The following TRABD2A variants were observed in gnomAD, a reference collection of about 807,000 sequenced individuals.
The protein encoded by TRABD2A is TraB domain containing 2A, also known as metalloprotease TIKI1.
In TRABD2A, 43 loss-of-function variants were observed where a neutral mutation model predicts 45.6. The ratio of observed to expected loss-of-function variants is 0.94; its 90% CI spans 0.74 to 1.22. The LOEUF (loss-of-function observed/expected upper bound fraction) is 1.22, where lower values mean the gene tolerates loss of function less well. TRABD2A is among the 50% of genes most tolerant of loss of function. The pLI is 0.00. For missense variants in TRABD2A, 642 were observed against 652.4 expected (o/e 0.98, Z 0.17); for synonymous variants, 269 against 265.0 (o/e 1.02, Z -0.15).
chr2:84,870,549 G>C lies in TRABD2A; in HGVS notation c.345C>G (p.Leu115=), dbSNP rs140682998. Residue 115 remains leucine (L), a synonymous_variant, in exon 2 of 7, where the codon CTC becomes CTG. Transcript: ENST00000409520. ...LPQGENLQDV[L]PRDIYCRLKR... ...TGAGGCGGCAGTAGATGTCCCTGGG[G>C]AGCACATCTTGGAGGTTCTCGCCCT... is the stretch of plus-strand genomic sequence containing the variant. 1.4e-5 allele frequency: 23 copies of C among 1,613,954 alleles called. No homozygotes were observed. The African/African-American group carries it at 2.0e-4, about 14-fold the overall frequency.
rs1476984268 is a variant in TRABD2A, at chr2:84,839,270, C to T, written c.870G>A (p.Gln290=). 3 of 1,613,820 alleles carry T rather than the reference C, an allele frequency of 1.9e-6. No homozygotes were observed. Among genetic ancestry groups the T allele is most frequent in the South Asian group, 1.1e-5 (1 of 91,062 alleles). Residue 290 remains glutamine (Q), a synonymous_variant, in exon 4 of 7, where the codon CAG becomes CAA. Coordinates refer to ENST00000409520, the MANE Select transcript of TRABD2A (RefSeq NM_001277053.2). ...TLPPQERITA[Q]EIDSYLRREL... ...CCCGGCGTAAGTAGCTGTCAATCTC[C>T]TGAGCAGTGATGCGCTCCTGAGGTG...
At chr2:84,826,906 T>A (rs1241607644) in intron 5 of TRABD2A, among the ~76,000 whole-genome samples, 1 of 152,224 alleles carries the variant, frequency 6.6e-6, no homozygotes, top group African/African-American at 2.4e-5. Context: ...ATTCTCATTG[T>A]AGAAAATATA....
At chr2:84,851,861 T>C (rs1291186463) in intron 2 of TRABD2A, among the ~76,000 whole-genome samples, 1 of 152,230 alleles carries the variant, frequency 6.6e-6, no homozygotes, top group Non-Finnish European at 1.5e-5. Context: ...CTACATTGAA[T>C]GGAAGATTGG....
rs762909638 is a variant in TRABD2A at position 84,828,096 on chromosome 2, G to A, written c.1083-3892C>T. On this transcript the variant is annotated intron_variant, in intron 5 of 6. Coordinates refer to ENST00000409520, the MANE Select transcript of TRABD2A (RefSeq NM_001277053.2). ...GGGGGAGAAGGGAGGAACTGGCTAA[G>A]CCCTCTGCAGATTAGCCCAACAGGA... 6.6e-5 allele frequency among the ~76,000 whole-genome samples: 10 copies of A among 152,178 alleles called. 1 individual carries two copies. Among genetic ancestry groups the A allele is most frequent in the Admixed American group, 5.2e-4 (8 of 15,278 alleles).
chr2:84,831,908 G>T (rs1018638064), intron 5 of TRABD2A, 147 bp downstream of exon 5: 1 of 766,702 alleles, frequency 1.3e-6, no homozygotes, highest in Middle Eastern at 3.7e-4. Context: ...CTGAGCTGGT[G>T]CCAAATGTCC....
chr2:84,865,161 G>A (rs1429314326), intron 2 of TRABD2A, among the ~76,000 whole-genome samples: 1 of 152,072 alleles, frequency 6.6e-6, no homozygotes, highest in East Asian at 1.9e-4. Flanking sequence ...CTCAAGAATT[G>A]CAGTTTCATA....
chr2:84,848,983 A>C (rs1480246254), intron 2 of TRABD2A, among the ~76,000 whole-genome samples: 1 of 152,192 alleles, frequency 6.6e-6, no homozygotes, highest in Non-Finnish European at 1.5e-5. Flanking sequence ...GAGCTATCCT[A>C]GCCATAGGAT....
intron 2 of TRABD2A, among the ~76,000 whole-genome samples, chr2:84,856,834 A>G (rs1324497478): frequency 1.3e-5 from 2 of 152,158 alleles, no homozygotes; most frequent in Non-Finnish European, 1.5e-5. Context: ...TTACACACTA[A>G]ATTGTGTCCC....
chr2:84,837,129 G>C (rs1165211726), intron 4 of TRABD2A: 6 of 151,848 alleles, frequency 4.0e-5, no homozygotes, highest in African/African-American at 1.2e-4. Context: ...AAGTAGCTGG[G>C]ATTACAGGTG....
Position 84,830,564 on chromosome 2 carries a change from A to T in TRABD2A, c.1082+1491T>A, listed in dbSNP as rs1029721822. Among the ~76,000 whole-genome samples the T allele has an allele frequency of 6.6e-6, 1 of 152,206 alleles. No individual in the cohort carries two copies. The highest frequency in any genetic ancestry group is 1.5e-5 in the Non-Finnish European group (1 of 68,030). On this transcript the variant is annotated intron_variant, in intron 5 of 6. Coordinates refer to ENST00000409520, the MANE Select transcript of TRABD2A (RefSeq NM_001277053.2). The surrounding 1 kb of genome is among the most constrained non-coding windows in gnomAD (Gnocchi z 4.9). ...CCTGGAAGGGGGCGGTGGCCATGGA[A>T]ATGGAGAAGGACAAATCCCAGCGAG...
chr2:84,873,235 A>T (rs1682924562), intron 1 of TRABD2A, among the ~76,000 whole-genome samples: 1 of 151,530 alleles, frequency 6.6e-6, no homozygotes, highest in Admixed American at 6.6e-5. Flanking sequence ...GTCCAACATG[A>T]TGAAACTCCA....
intron 2 of TRABD2A, among the ~76,000 whole-genome samples, chr2:84,869,570 G>A (rs1323439846): frequency 1.3e-5 from 2 of 152,172 alleles, no homozygotes; most frequent in Admixed American, 6.5e-5. Context: ...AGTAGCAATG[G>A]CCAGTATATT....
At chr2:84,872,471 G>T (rs929121422) in intron 1 of TRABD2A, among the ~76,000 whole-genome samples, 1 of 152,074 alleles carries the variant, frequency 6.6e-6, no homozygotes, top group South Asian at 2.1e-4. Context: ...CTGTGCTTCA[G>T]CCTGGGCAAC....
At position 84,870,432 on chromosome 2, in the gene TRABD2A, A is replaced by G; in HGVS notation, c.462T>C (p.Asn154=). 1 of 1,614,004 alleles carries G rather than the reference A, an allele frequency of 6.2e-7. No homozygotes were observed. The highest frequency in any genetic ancestry group is 8.5e-7 in the Non-Finnish European group (1 of 1,179,886). The change falls in exon 2 of 7, where the codon AAT becomes AAC. Residue 154 remains asparagine, a synonymous_variant. Transcript: ENST00000409520. ...TGCGCTCCCAGTTTCCGGCAATAGC[A>G]TTGAAGAGGTAGTCTGCGTAGAGCC... ...GKGLYADYLF[N]AIAGNWERKR...
chr2:84,864,874 T>C (rs555218636), intron 2 of TRABD2A, among the ~76,000 whole-genome samples: 14 of 152,274 alleles, frequency 9.2e-5, no homozygotes, highest in African/African-American at 3.4e-4. Flanking sequence ...CACAGGAGTC[T>C]TCCTCAGGCC....
intron 5 of TRABD2A, among the ~76,000 whole-genome samples, chr2:84,827,872 C>T (rs987432881): frequency 6.6e-6 from 1 of 152,190 alleles, no homozygotes; most frequent in Admixed American, 6.5e-5. Context: ...CCTCTAGAAG[C>T]TGGGAAGAAA....
chr2:84,832,351 C>G (rs905216887), intron 4 of TRABD2A: 1 of 579,554 alleles, frequency 1.7e-6, no homozygotes, highest in African/African-American at 1.9e-5. Context: ...ATTTCAGAGA[C>G]AATGACACTG....
chr2:84,849,926 C>G (rs748380811), intron 2 of TRABD2A, among the ~76,000 whole-genome samples: 1 of 152,208 alleles, frequency 6.6e-6, no homozygotes, highest in Non-Finnish European at 1.5e-5. Context: ...GTAGTGTTTT[C>G]TACGGTTTTT....
chr2:84,831,934 TG>T, intron 5 of TRABD2A, 120 bp downstream of exon 5: 4 of 922,982 alleles, frequency 4.3e-6, no homozygotes, highest in African/African-American at 1.6e-5. Context: ...AGGTCAAGTG[TG>T]GGGGAAATGA....
Sources: allele counts gnomAD v4.1 joint callset (sites outside exome capture counted in the v4.1 genomes callset), GRCh38; gene constraint gnomAD v4.1.1; non-coding constraint Gnocchi (gnomAD v3.1); transcripts MANE v1.5; gene names NCBI Gene and HGNC (gene_info 2026-07-23, HGNC 2026-07-21).